BAALC: variants seen among roughly 807,000 people sequenced by gnomAD.
BAALC encodes the protein BAALC binder of MAP3K1 and KLF4.
In BAALC, 9 loss-of-function variants were observed where a neutral mutation model predicts 15.5. That is an observed-to-expected ratio of 0.58 (90% confidence interval 0.35 to 1.02). The LOEUF (loss-of-function observed/expected upper bound fraction) is 1.02. BAALC is among the 50% of genes least tolerant of loss of function. BAALC has a pLI of 0.02. For synonymous variants in BAALC, 80 were observed against 74.6 expected (o/e 1.07, Z -0.37); for missense variants, 201 against 192.4 (o/e 1.04, Z -0.27).
At chr8:103,227,070 A>G (rs1443442980) in intron 2 of BAALC, among the ~76,000 whole-genome samples, 1 of 152,196 alleles carries the variant, frequency 6.6e-6, no homozygotes, top group Non-Finnish European at 1.5e-5. Context: ...AACATGCCCT[A>G]TTCCAGGCTC....
At chr8:103,166,535 T>C (rs1419630133) in intron 1 of BAALC, among the ~76,000 whole-genome samples, 1 of 152,126 alleles carries the variant, frequency 6.6e-6, no homozygotes, top group Non-Finnish European at 1.5e-5. Context: ...GTTTTTGGAA[T>C]GGACAGTGAC....
intron 1 of BAALC, among the ~76,000 whole-genome samples, chr8:103,206,573 T>C (rs1812336997): frequency 6.6e-6 from 1 of 152,260 alleles, no homozygotes; most frequent in South Asian, 2.1e-4. Context: ...AGAGAGCCTG[T>C]TGACATGTGC....
chr8:103,159,055 A>C (rs557962629), intron 1 of BAALC, among the ~76,000 whole-genome samples: 191 of 152,302 alleles, frequency 1.3e-3, no homozygotes, highest in African/African-American at 4.5e-3. Context: ...TCAATTTAAA[A>C]ATTAATTAAT....
chr8:103,213,001 G>C lies in BAALC; in HGVS notation c.243G>C (p.Thr81=). The C allele has an allele frequency of 6.2e-7, 1 of 1,614,112 alleles. No individual in the cohort carries two copies. The highest frequency in any genetic ancestry group is 1.7e-4 in the Middle Eastern group (1 of 6,060). Residue 81 remains threonine, a synonymous_variant, in exon 2 of 3, where the codon ACG becomes ACC. Coordinates refer to ENST00000309982, the MANE Select transcript of BAALC (RefSeq NM_024812.3). ...PGGIPNPEKK[T]NCETQCPNPQ... is the part of the protein sequence containing the mutation. ...GAATACCCAACCCAGAGAAGAAGAC[G>C]AACTGTGAGACCCAGTGCCCAAATC...
intron 2 of BAALC, among the ~76,000 whole-genome samples, chr8:103,216,358 G>C (rs1311185349): frequency 6.6e-6 from 1 of 152,186 alleles, no homozygotes; most frequent in African/African-American, 2.4e-5. Context: ...AAGTGGTTAT[G>C]CTGCTTTATA....
chr8:103,224,573 C>A (rs930716655), intron 2 of BAALC, among the ~76,000 whole-genome samples: 8 of 151,920 alleles, frequency 5.3e-5, no homozygotes, highest in African/African-American at 1.9e-4. Context: ...TTTTGTTGTG[C>A]AGAGGAAGCT....
At chr8:103,210,331 C>G (rs1812423978) in intron 1 of BAALC, among the ~76,000 whole-genome samples, 1 of 152,254 alleles carries the variant, frequency 6.6e-6, no homozygotes, top group African/African-American at 2.4e-5. Context: ...ATACTTTCCA[C>G]TGTGACTTTC....
At chr8:103,154,209 C>T (rs1811039749) in intron 1 of BAALC, among the ~76,000 whole-genome samples, 1 of 152,092 alleles carries the variant, frequency 6.6e-6, no homozygotes, top group Non-Finnish European at 1.5e-5. Flanking sequence ...TTAGCTAACT[C>T]TGTTATTTCC....
At chr8:103,157,315 C>CTATA (rs140079991) in intron 1 of BAALC, among the ~76,000 whole-genome samples, 1 of 150,186 alleles carries the variant, frequency 6.7e-6, no homozygotes, top group Non-Finnish European at 1.5e-5. Context: ...ATATTTCAAG[C>CTATA]TATATATATA....
chr8:103,173,875 C>T (rs923571182), intron 1 of BAALC, among the ~76,000 whole-genome samples: 17 of 152,188 alleles, frequency 1.1e-4, no homozygotes, highest in African/African-American at 4.1e-4. Context: ...AAGTTATCTG[C>T]AGAGTGCAAA....
intron 1 of BAALC, among the ~76,000 whole-genome samples, chr8:103,152,805 CT>C: frequency 6.6e-6 from 1 of 152,210 alleles, no homozygotes; most frequent in Non-Finnish European, 1.5e-5. Flanking sequence ...AGGAGCTGGG[CT>C]CCTTTGGCTT....
At position 103,183,507 on chromosome 8, in the gene BAALC, G is replaced by A. The variant is rs1448383196; in HGVS notation, c.161-29412G>A. 1.0e-5 allele frequency: 7 copies of A among 701,600 alleles called. No individual in the cohort carries two copies. In the East Asian group the frequency reaches 1.9e-4, roughly 19 times the overall value. 43.5% of individuals were successfully genotyped at this position (701,600 alleles called of 1,614,324 possible). ...GTATGGGGGGACCAGATCTGGGGAG[G>A]TGGGTATGGGACAACTCTGCAAAAC... On this transcript the variant is annotated intron_variant, in intron 1 of 2. Transcript: ENST00000309982.
chr8:103,212,167 A>C (rs1812460276), intron 1 of BAALC, among the ~76,000 whole-genome samples: 1 of 152,198 alleles, frequency 6.6e-6, no homozygotes, highest in Non-Finnish European at 1.5e-5. Context: ...TGTATTGGCC[A>C]AGCATGTTAT....
intron 1 of BAALC, among the ~76,000 whole-genome samples, chr8:103,173,954 G>A (rs572583598): frequency 6.6e-6 from 1 of 152,186 alleles, no homozygotes; most frequent in Non-Finnish European, 1.5e-5. Context: ...AGAAATTACT[G>A]TAAAACCTAT....
At chr8:103,176,912 C>T (rs1811619278) in intron 1 of BAALC, among the ~76,000 whole-genome samples, 1 of 152,168 alleles carries the variant, frequency 6.6e-6, no homozygotes, top group African/African-American at 2.4e-5. Flanking sequence ...TCCTGCTGTG[C>T]TACCTCCCCT....
chr8:103,175,644 A>C (rs1301503717), intron 1 of BAALC, among the ~76,000 whole-genome samples: 1 of 152,240 alleles, frequency 6.6e-6, no homozygotes, highest in Non-Finnish European at 1.5e-5. Context: ...GGATTGAATT[A>C]AGAATAACTC....
chr8:103,209,406 G>A (rs1238734362), intron 1 of BAALC, among the ~76,000 whole-genome samples: 1 of 152,078 alleles, frequency 6.6e-6, no homozygotes, highest in Non-Finnish European at 1.5e-5. Flanking sequence ...TGGCACACTG[G>A]GGGAGACAGC....
intron 1 of BAALC, among the ~76,000 whole-genome samples, chr8:103,204,127 G>T (rs1022316306): frequency 6.6e-6 from 1 of 152,150 alleles, no homozygotes; most frequent in South Asian, 2.1e-4. Flanking sequence ...TAGTGGGTGT[G>T]AAGTGGTATA....
chr8:103,156,898 A>G (rs1277645806), intron 1 of BAALC: 1 of 152,280 alleles, frequency 6.6e-6, no homozygotes, highest in Non-Finnish European at 1.5e-5. Context: ...TCTTAGAGAA[A>G]GAGCACCATT....
Sources: gnomAD v4.1 joint callset for allele counts (sites outside exome capture counted in the v4.1 genomes callset) on GRCh38, gnomAD v4.1.1 for gene constraint, MANE v1.5 for transcripts, NCBI Gene and HGNC (gene_info 2026-07-23, HGNC 2026-07-21) for gene names.